ADD1: variants seen among roughly 807,000 people sequenced by gnomAD.
ADD1 encodes the protein alpha-adducin.
A neutral mutation model predicts 80.5 loss-of-function variants in ADD1; 24 were observed. The ratio of observed to expected loss-of-function variants is 0.30; its 90% CI spans 0.22 to 0.42. The LOEUF (loss-of-function observed/expected upper bound fraction) is 0.42. ADD1 is among the 10% of genes least tolerant of loss of function. The pLI, the probability that ADD1 is intolerant of heterozygous loss-of-function variation, is 1.00. For missense variants in ADD1, 948 were observed against 1,019.0 expected, an observed-to-expected ratio of 0.93 and a Z score of 0.95; for synonymous variants, 373 against 393.8, an observed-to-expected ratio of 0.95 and a Z score of 0.63.
At position 2,882,099 on chromosome 4, in the gene ADD1, T is replaced by C. The variant is rs372131271; in HGVS notation, c.358+39T>C. The stretch of plus-strand genomic sequence containing the variant: ...GATTTTTAATATATGTTCTGTAGTT[T>C]TCAGGTAAAATTTCCTGAAGATTGC... On this transcript the variant is annotated intron_variant, in intron 3 of 15. Transcript: ENST00000683351. 193 of 1,529,466 alleles carry C rather than the reference T, an allele frequency of 1.3e-4. No homozygotes were observed. The African/African-American group carries it at 2.4e-3, about 19-fold the overall frequency. 94.7% of individuals were successfully genotyped at this position (1,529,466 alleles called of 1,614,324 possible). A position where few individuals can be genotyped will look rare whatever the true frequency, so the allele number is the denominator to read the frequency against.
chr4:2,910,566 G>C (rs1737855246), intron 13 of ADD1, among the ~76,000 whole-genome samples: 1 of 152,142 alleles, frequency 6.6e-6, no homozygotes, highest in East Asian at 1.9e-4. Context: ...TCTCAGGTGT[G>C]TGAGGGCTGT....
At chr4:2,862,513 A>G (rs923690673) in intron 1 of ADD1, among the ~76,000 whole-genome samples, 19 of 152,240 alleles carry the variant, frequency 1.2e-4, no homozygotes, top group Non-Finnish European at 2.1e-4. Flanking sequence ...AACAAAAGCC[A>G]GTTCTTACCT....
At chr4:2,849,029 A>G (rs1181336631) in intron 1 of ADD1, among the ~76,000 whole-genome samples, 1 of 152,174 alleles carries the variant, frequency 6.6e-6, no homozygotes, top group Non-Finnish European at 1.5e-5. Context: ...TTGCCATGTC[A>G]AAGAGTAATT....
chr4:2,878,382 A>G (rs1013276599), intron 2 of ADD1, among the ~76,000 whole-genome samples: 3 of 152,140 alleles, frequency 2.0e-5, no homozygotes, highest in Admixed American at 1.3e-4. Flanking sequence ...GGTAGTGTGA[A>G]TAGGACTTGC....
chr4:2,852,875 A>AT (rs1253419962), intron 1 of ADD1, among the ~76,000 whole-genome samples: 13 of 149,220 alleles, frequency 8.7e-5, no homozygotes, highest in Admixed American at 2.0e-4. Flanking sequence ...AACTAAAAAA[A>AT]TTTTTTTTTT....
chr4:2,866,941 C>A (rs945885471), intron 1 of ADD1, among the ~76,000 whole-genome samples: 1 of 152,034 alleles, frequency 6.6e-6, no homozygotes, highest in Non-Finnish European at 1.5e-5. Flanking sequence ...CATGGTGGCA[C>A]GCTCCTGTAG....
chr4:2,889,229 C>T (rs192044246), intron 4 of ADD1, among the ~76,000 whole-genome samples: 285 of 152,138 alleles, frequency 1.9e-3, no homozygotes, highest in African/African-American at 5.3e-3. Flanking sequence ...TGCAGCTCAG[C>T]GGGGTGGGGG....
At chr4:2,927,469 T>G (rs970362329) in intron 15 of ADD1, among the ~76,000 whole-genome samples, 1 of 152,200 alleles carries the variant, frequency 6.6e-6, no homozygotes, top group African/African-American at 2.4e-5. Flanking sequence ...AACCTGTCAG[T>G]TGCTGGTAAC....
At chr4:2,892,832 C>T (rs1302061979) in intron 4 of ADD1, among the ~76,000 whole-genome samples, 2 of 135,314 alleles carry the variant, frequency 1.5e-5, no homozygotes, top group East Asian at 2.0e-4. Context: ...GACCCCATCT[C>T]AAAAACAAAA....
intron 14 of ADD1, among the ~76,000 whole-genome samples, chr4:2,923,190 A>G (rs1050286541): frequency 5.9e-5 from 9 of 152,212 alleles, no homozygotes; most frequent in African/African-American, 2.2e-4. Flanking sequence ...GGGTATCAGA[A>G]AAAACTCCTG....
At chr4:2,925,127 G>T (rs1458361861) in intron 14 of ADD1, among the ~76,000 whole-genome samples, 1 of 152,198 alleles carries the variant, frequency 6.6e-6, no homozygotes, top group Non-Finnish European at 1.5e-5. Context: ...TGTGCCACAG[G>T]TAAAATGCAG....
chr4:2,878,891 T>C (rs1183345092), intron 2 of ADD1, among the ~76,000 whole-genome samples: 1 of 151,848 alleles, frequency 6.6e-6, no homozygotes, highest in Non-Finnish European at 1.5e-5. Context: ...TGAGCCAAGG[T>C]GAGAAGGTGT....
intron 13 of ADD1, among the ~76,000 whole-genome samples, chr4:2,913,242 A>G (rs1738387954): frequency 6.6e-6 from 1 of 152,172 alleles, no homozygotes; most frequent in Non-Finnish European, 1.5e-5. Flanking sequence ...TTCTCATTTC[A>G]TTGGCAGTGA....
intron 14 of ADD1, among the ~76,000 whole-genome samples, chr4:2,916,281 C>T (rs966703035): frequency 5.9e-5 from 9 of 151,596 alleles, no homozygotes; most frequent in Non-Finnish European, 1.2e-4. Context: ...CTGCAATCTC[C>T]GCCTCCTGGG....
At chr4:2,873,185 G>C (rs1730730122) in intron 1 of ADD1, among the ~76,000 whole-genome samples, 2 of 152,176 alleles carry the variant, frequency 1.3e-5, no homozygotes, top group East Asian at 3.9e-4. Context: ...TAGAAACAGG[G>C]TGTCACCATG....
At chr4:2,858,344 T>A (rs1728368213) in intron 1 of ADD1, among the ~76,000 whole-genome samples, 1 of 152,220 alleles carries the variant, frequency 6.6e-6, no homozygotes, top group African/African-American at 2.4e-5. Flanking sequence ...ACTCGTTTAA[T>A]CTTAAACCAA....
intron 2 of ADD1, among the ~76,000 whole-genome samples, chr4:2,878,341 A>C (rs1324182504): frequency 6.6e-6 from 1 of 152,158 alleles, no homozygotes; most frequent in Non-Finnish European, 1.5e-5. Flanking sequence ...AGAGGTAGGA[A>C]GAAGTAGATT....
At chr4:2,895,980 C>T (rs1353272130) in intron 6 of ADD1, among the ~76,000 whole-genome samples, 3 of 151,926 alleles carry the variant, frequency 2.0e-5, no homozygotes, top group Admixed American at 1.3e-4. Context: ...CTCTGCCTCC[C>T]GGGTTCACGC....
At chr4:2,887,358 G>A (rs1733552402) in intron 4 of ADD1, 1 of 152,078 alleles carries the variant, frequency 6.6e-6, no homozygotes, top group Non-Finnish European at 1.5e-5. Context: ...TTCTGCTAAA[G>A]GGATTTAAAA....
Sources: gnomAD v4.1 joint callset for allele counts (sites outside exome capture counted in the v4.1 genomes callset) on GRCh38, gnomAD v4.1.1 for gene constraint, MANE v1.5 for transcripts, NCBI Gene and HGNC (gene_info 2026-07-23, HGNC 2026-07-21) for gene names.